The following KIF1B variants were observed in gnomAD, a reference collection of about 807,000 sequenced individuals.
The protein encoded by KIF1B is kinesin-like protein KIF1B.
In KIF1B, 76 loss-of-function variants were observed where a neutral mutation model predicts 241.9. The ratio of observed to expected loss-of-function variants is 0.31; its 90% confidence interval spans 0.26 to 0.38. The LOEUF is 0.38. KIF1B is among the 10% of genes least tolerant of loss of function. KIF1B has a pLI of 1.00. For missense variants in KIF1B, 1,622 were observed against 2,271.4 expected, an observed-to-expected ratio of 0.71 and a Z score of 5.81; for synonymous variants, 750 against 796.7, an observed-to-expected ratio of 0.94 and a Z score of 0.99.
intron 4 of KIF1B, among the ~76,000 whole-genome samples, chr1:10,261,354 T>C (rs1177742502): frequency 1.3e-5 from 2 of 150,696 alleles, no homozygotes; most frequent in Non-Finnish European, 3.0e-5. Flanking sequence ...CACTGCAACC[T>C]CCGCCTCCTG....
chr1:10,241,829 G>A (rs1383095849), intron 2 of KIF1B, among the ~76,000 whole-genome samples: 4 of 151,980 alleles, frequency 2.6e-5, no homozygotes, highest in Non-Finnish European at 5.9e-5. Flanking sequence ...AGCCAATATC[G>A]TGGTGGTGAT....
intron 22 of KIF1B, among the ~76,000 whole-genome samples, chr1:10,302,508 TC>T (rs745839267): frequency 7.2e-5 from 11 of 152,198 alleles, no homozygotes; most frequent in Non-Finnish European, 1.2e-4. Context: ...ATTTTTAACA[TC>T]ATCCCTGTTT....
Position 10,358,603 on chromosome 1 carries a change from A to G in KIF1B, c.4056-2326A>G, listed in dbSNP as rs149580521. Among the ~76,000 whole-genome samples the G allele has an allele frequency of 3.5e-3, 527 of 151,820 alleles. 7 individuals carry two copies. The highest frequency in any genetic ancestry group is 0.012 in the African/African-American group (497 of 41,384). ...GAGGCTGAGGCAGGAGAATCACTTGAACCCGGCATGAGGAGGTTGCAGTGA... is the reference window on the plus strand; with the variant it reads ...GAGGCTGAGGCAGGAGAATCACTTGGACCCGGCATGAGGAGGTTGCAGTGA... On this transcript the variant is annotated intron_variant, in intron 38 of 48. Coordinates refer to ENST00000676179, the MANE Select transcript of KIF1B (RefSeq NM_001365951.3).
intron 15 of KIF1B, 142 bp downstream of exon 15, chr1:10,282,675 C>G (rs1649470899): frequency 1.3e-6 from 1 of 758,406 alleles, no homozygotes; most frequent in Admixed American, 2.1e-5. Flanking sequence ...GAATTTTGTG[C>G]TTTGTAAGTT....
At chr1:10,262,910 C>T (rs1463810955) in intron 5 of KIF1B, among the ~76,000 whole-genome samples, 1 of 152,140 alleles carries the variant, frequency 6.6e-6, no homozygotes, top group African/African-American at 2.4e-5. Flanking sequence ...AATTATCCAT[C>T]CTGTGTTTAC....
rs746863711 is a variant in KIF1B, at chr1:10,326,168, C to T, written c.2733C>T (p.Pro911=). The change falls in exon 27 of 49, where the codon CCC becomes CCT. Residue 911 remains proline (P), a synonymous_variant. Coordinates refer to ENST00000676179, the MANE Select transcript of KIF1B (RefSeq NM_001365951.3). This position sits in a 1 kb window ranked among gnomAD's most constrained non-coding sequence, Gnocchi z 5.2. ...GCCTTGCCGACCGCACACCCTCCCC[C>T]ACTTTTTCCACGGCCGATTCCGACA... ...NERLADRTPS[P]TFSTADSDIT... 4.3e-6 allele frequency: 7 copies of T among 1,614,068 alleles called. No homozygotes were observed. The highest frequency in any genetic ancestry group is 1.3e-5 in the African/African-American group (1 of 74,942).
Position 10,371,190 on chromosome 1 carries a change from G to T in KIF1B, c.4874G>T (p.Ser1625Ile). The part of the protein sequence containing the change: ...IGRDPSESSF[S>I]SATLTPSSTC... ...CGGGATCCCTCTGAGTCCAGTTTCA[G>T]CAGTGCCACCCTCACTCCCTCCTCC... Residue 1625 changes from serine (S) to isoleucine (I), a missense_variant, in exon 45 of 49, where the codon AGC (serine) becomes ATC (isoleucine). Physicochemically the swap from Ser to Ile is moderately radical, Grantham distance 142. Transcript: ENST00000676179. The T allele has an allele frequency of 6.2e-7, 1 of 1,614,086 alleles. No homozygotes were observed. Among genetic ancestry groups the T allele is most frequent in the Non-Finnish European group, 8.5e-7 (1 of 1,179,994 alleles).
At chr1:10,294,297 A>C (rs1259876276) in intron 17 of KIF1B, among the ~76,000 whole-genome samples, 2 of 152,182 alleles carry the variant, frequency 1.3e-5, no homozygotes, top group African/African-American at 4.8e-5. Flanking sequence ...AATATCAGTA[A>C]TTTTACTTTT....
intron 40 of KIF1B, among the ~76,000 whole-genome samples, chr1:10,362,514 A>G (rs190975408): frequency 1.6e-4 from 25 of 151,724 alleles, no homozygotes; most frequent in East Asian, 1.4e-3. Flanking sequence ...AAAAAAAAAA[A>G]AAAGAAAGAA....
chr1:10,335,960 C>A (rs1341776656), intron 28 of KIF1B, among the ~76,000 whole-genome samples: 2 of 152,188 alleles, frequency 1.3e-5, no homozygotes, highest in African/African-American at 4.8e-5. Context: ...TGGGCTGTGT[C>A]CAGTGACCTT....
At chr1:10,316,902 CT>C (rs1035258671) in intron 22 of KIF1B, among the ~76,000 whole-genome samples, 3 of 151,112 alleles carry the variant, frequency 2.0e-5, no homozygotes, top group East Asian at 3.9e-4. Context: ...TATTAGCCAC[CT>C]TTTTTTTGTT....
At chr1:10,245,189 T>C (rs1413772905) in intron 2 of KIF1B, among the ~76,000 whole-genome samples, 1 of 152,188 alleles carries the variant, frequency 6.6e-6, no homozygotes, top group Non-Finnish European at 1.5e-5. Context: ...TGCCTTATTT[T>C]CTAGGGCTCA....
At chr1:10,352,248 T>G (rs1264334332) in intron 37 of KIF1B, among the ~76,000 whole-genome samples, 1 of 146,834 alleles carries the variant, frequency 6.8e-6, no homozygotes, top group Non-Finnish European at 1.5e-5. Context: ...CGGGGAGGTG[T>G]GAATAGCAGG....
In KIF1B at chr1:10,303,562, T is replaced by C; in HGVS notation, c.2115+6316T>C. On this transcript the variant is annotated intron_variant, in intron 22 of 48. Transcript: ENST00000676179. The surrounding 1 kb of genome is among the most constrained non-coding windows in gnomAD (Gnocchi z 5.2). ...CTGGAGGGCAGTGGCCAGGGACGTC[T>C]GGGATACCGTCGGTGTTGGGGATGA... 6.2e-7 allele frequency: 1 copy of C among 1,614,176 alleles called. No individual in the cohort carries two copies.
rs574168097 is a variant in KIF1B at position 10,339,802 on chromosome 1, G to A, written c.3456G>A (p.Thr1152=). Residue 1152 remains threonine, a synonymous_variant, in exon 32 of 49, where the codon ACG becomes ACA. Transcript: ENST00000676179. ...FLHRHDEAFS[T]EPLKNNGRGS... Reference sequence around the variant, plus strand: ...ATCGCCATGATGAAGCATTCTCCACGGAGCCCCTCAAAAACAATGGCAGAG... The same window carrying A: ...ATCGCCATGATGAAGCATTCTCCACAGAGCCCCTCAAAAACAATGGCAGAG... 25 of 1,613,946 alleles carry A rather than the reference G, an allele frequency of 1.5e-5. No homozygotes were observed. Among genetic ancestry groups the A allele is most frequent in the African/African-American group, 9.3e-5 (7 of 74,946 alleles).
At chr1:10,304,999 A>G in intron 22 of KIF1B, 1 of 1,120,810 alleles carries the variant, frequency 8.9e-7, no homozygotes, top group Non-Finnish European at 1.1e-6. Flanking sequence ...GACATCCAGA[A>G]AGACCTGCCT....
intron 32 of KIF1B, among the ~76,000 whole-genome samples, chr1:10,341,389 A>G (rs1652385468): frequency 6.6e-6 from 1 of 152,224 alleles, no homozygotes; most frequent in African/African-American, 2.4e-5. Context: ...CAGTACATGC[A>G]TGGATGTGCT....
At chr1:10,281,012 A>G (rs1431198136) in intron 14 of KIF1B, among the ~76,000 whole-genome samples, 2 of 151,962 alleles carry the variant, frequency 1.3e-5, no homozygotes, top group Admixed American at 6.6e-5. Context: ...TCTAATCCCT[A>G]TCCCCCTTTT....
At chr1:10,321,945 C>T (rs1651541284) in intron 24 of KIF1B, 88 bp downstream of exon 24, 1 of 1,459,404 alleles carries the variant, frequency 6.9e-7, no homozygotes. Context: ...TTAACCTTTC[C>T]TTTGGGGGAA....
Sources: gnomAD v4.1 joint callset for allele counts (sites outside exome capture counted in the v4.1 genomes callset) on GRCh38, gnomAD v4.1.1 for gene constraint, Gnocchi (gnomAD v3.1) non-coding constraint, MANE v1.5 for transcripts, NCBI Gene and HGNC (gene_info 2026-07-23, HGNC 2026-07-21) for gene names.